Variants in MYO5B observed in about 807,000 individuals in gnomAD.
MYO5B encodes the protein myosin VB.
In MYO5B, 143 loss-of-function variants were observed where a neutral mutation model predicts 229.3. The ratio of observed to expected loss-of-function variants is 0.62; its 90% CI spans 0.54 to 0.72. MYO5B has a LOEUF of 0.72. Among genes scored for constraint, MYO5B ranks in the 30% least tolerant of loss-of-function variants. The pLI, the probability that MYO5B is intolerant of heterozygous loss-of-function variation, is 0.00. For missense variants in MYO5B, 2,321 were observed against 2,331.0 expected (o/e 1.00, Z 0.09); for synonymous variants, 918 against 885.2 (o/e 1.04, Z -0.66).
intron 4 of MYO5B, among the ~76,000 whole-genome samples, chr18:50,004,836 A>T (rs931318210): frequency 2.0e-5 from 3 of 152,258 alleles, no homozygotes; most frequent in African/African-American, 7.2e-5. Context: ...TGCAGCGTGC[A>T]GCAGCTCTCC....
chr18:49,904,721 A>C lies in MYO5B; in HGVS notation c.2522T>G (p.Val841Gly), dbSNP rs754311097. The C allele has an allele frequency of 6.8e-6, 11 of 1,614,066 alleles. 2 individuals carry two copies. The highest frequency in any genetic ancestry group is 1.6e-4 in the Middle Eastern group (1 of 6,062). ...AYQRVRRAAV[V>G]IQAFTRAMFV... ...CATGGCCCGGGTGAAGGCCTGGATAACAACGGCAGCTCTGCGGACCCTCTG... is the reference window on the plus strand; with the variant it reads ...CATGGCCCGGGTGAAGGCCTGGATACCAACGGCAGCTCTGCGGACCCTCTG... Residue 841 changes from valine to glycine, a missense_variant, in exon 20 of 40, where the codon GTT (valine) becomes GGT (glycine). By Grantham distance (109) the Val-to-Gly change is moderately radical. This residue lies in a region of MYO5B where 2,113 missense variants were observed against 2,044.7 expected (regional missense o/e 1.03). Coordinates refer to ENST00000285039, the MANE Select transcript of MYO5B (RefSeq NM_001080467.3).
intron 1 of MYO5B, among the ~76,000 whole-genome samples, chr18:50,091,608 G>C (rs1043202423): frequency 6.6e-6 from 1 of 152,126 alleles, no homozygotes; most frequent in Non-Finnish European, 1.5e-5. Flanking sequence ...TCTGGCAACT[G>C]TCTGCCTTCT....
intron 22 of MYO5B, among the ~76,000 whole-genome samples, chr18:49,883,694 AGCTG>A (rs2024613248): frequency 6.6e-6 from 1 of 152,200 alleles, no homozygotes; most frequent in Non-Finnish European, 1.5e-5. Context: ...AGATGAACAA[AGCTG>A]GAATAATCAC....
At chr18:50,179,837 G>A (rs1599082161) in intron 1 of MYO5B, among the ~76,000 whole-genome samples, 1 of 152,216 alleles carries the variant, frequency 6.6e-6, no homozygotes, top group Admixed American at 6.5e-5. Flanking sequence ...TCCTTAGAAT[G>A]AAGCCTATGC....
intron 8 of MYO5B, among the ~76,000 whole-genome samples, chr18:49,984,059 G>C (rs1270792180): frequency 6.6e-6 from 1 of 152,176 alleles, no homozygotes; most frequent in African/African-American, 2.4e-5. Flanking sequence ...TCTGGATGCA[G>C]GTCCCAGGAA....
rs796439391 is a variant in MYO5B at position 49,822,875 on chromosome 18, A to G, written c.*3596T>C. 1 of 142,824 alleles carries G rather than the reference A, an allele frequency of 7.0e-6. No individual in the cohort carries two copies. Among genetic ancestry groups the G allele is most frequent in the Non-Finnish European group, 1.6e-5 (1 of 64,320 alleles). 8.8% of individuals were successfully genotyped at this position (142,824 alleles called of 1,614,324 possible). A position where few individuals can be genotyped will look rare whatever the true frequency, so the allele number is the denominator to read the frequency against. On this transcript the variant is annotated 3_prime_UTR_variant, in exon 40 of 40. Transcript: ENST00000285039. Reference sequence around the variant, plus strand: ...ACAGCTAAATATTACAGTGACTATTACAAGCATTTTTCTATAAACAAAGGT... The same window carrying G: ...ACAGCTAAATATTACAGTGACTATTGCAAGCATTTTTCTATAAACAAAGGT...
chr18:49,882,742 T>G (rs552149847), intron 22 of MYO5B, among the ~76,000 whole-genome samples: 1 of 151,764 alleles, frequency 6.6e-6, no homozygotes, highest in Non-Finnish European at 1.5e-5. Context: ...GATCAATATA[T>G]GTAGATGGTT....
chr18:50,063,514 A>C (rs1448774694), intron 1 of MYO5B, among the ~76,000 whole-genome samples: 2 of 152,204 alleles, frequency 1.3e-5, no homozygotes, highest in Admixed American at 6.5e-5. Flanking sequence ...AGGAGAAAGA[A>C]CTATAACATA....
At position 50,040,154 on chromosome 18, in the gene MYO5B, T is replaced by C. The variant is rs1250699836; in HGVS notation, c.299A>G (p.Tyr100Cys). 4 of 1,613,956 alleles carry C rather than the reference T, an allele frequency of 2.5e-6. No individual in the cohort carries two copies. The highest frequency in any genetic ancestry group is 3.4e-6 in the Non-Finnish European group (4 of 1,180,016). ...KVRFLESNHI[Y>C]TYCGIVLVAI... Reference sequence around the variant, plus strand: ...TGCCCCCCACTTACCACAGTAAGTGTAGATATGGTTGGACTCCAGGAAACG... The same window carrying C: ...TGCCCCCCACTTACCACAGTAAGTGCAGATATGGTTGGACTCCAGGAAACG... Residue 100 changes from tyrosine to cysteine, a missense_variant, in exon 3 of 40, where the codon TAC (tyrosine) becomes TGC (cysteine). By Grantham distance (194) the Tyr-to-Cys change is radical. This residue lies in a region of MYO5B where 2,113 missense variants were observed against 2,044.7 expected (regional missense o/e 1.03). Coordinates refer to ENST00000285039, the MANE Select transcript of MYO5B (RefSeq NM_001080467.3).
At chr18:49,945,088 C>T (rs557014267) in intron 14 of MYO5B, among the ~76,000 whole-genome samples, 19 of 152,274 alleles carry the variant, frequency 1.2e-4, no homozygotes, top group South Asian at 2.1e-4. Context: ...TCTCCCTGCC[C>T]GGCGCCCTTC....
intron 32 of MYO5B, 41 bp downstream of exon 32, chr18:49,849,526 T>C (rs2024172648): frequency 9.2e-6 from 13 of 1,416,244 alleles, no homozygotes; most frequent in Middle Eastern, 2.4e-4. Context: ...TGGCCAAGTA[T>C]ACCTGTGATT....
At chr18:50,139,776 G>A (rs1044269226) in intron 1 of MYO5B, among the ~76,000 whole-genome samples, 12 of 152,096 alleles carry the variant, frequency 7.9e-5, no homozygotes, top group East Asian at 1.9e-4. Flanking sequence ...CAGCAGGTCC[G>A]GCAGGCAGAA....
chr18:50,056,152 A>C (rs2030544400), intron 1 of MYO5B, among the ~76,000 whole-genome samples: 1 of 152,214 alleles, frequency 6.6e-6, no homozygotes, highest in Non-Finnish European at 1.5e-5. Flanking sequence ...TTGCAGACAA[A>C]GTCACTGAAT....
intron 1 of MYO5B, among the ~76,000 whole-genome samples, chr18:50,117,443 C>T (rs2031982979): frequency 6.6e-6 from 1 of 152,158 alleles, no homozygotes; most frequent in African/African-American, 2.4e-5. Context: ...GATCTCTAAG[C>T]ACAGCAGAAG....
chr18:50,062,484 C>T (rs574889927), intron 1 of MYO5B, among the ~76,000 whole-genome samples: 2 of 152,284 alleles, frequency 1.3e-5, no homozygotes, highest in African/African-American at 2.4e-5. Context: ...CAGCAGTTTC[C>T]CAAGTGGCTT....
chr18:49,900,910 C>T (rs937093909), intron 21 of MYO5B, among the ~76,000 whole-genome samples: 3 of 152,154 alleles, frequency 2.0e-5, no homozygotes, highest in Admixed American at 1.3e-4. Flanking sequence ...TTAAAAAACC[C>T]GCAATGCCCC....
intron 1 of MYO5B, among the ~76,000 whole-genome samples, chr18:50,194,456 C>A (rs976513190): frequency 2.6e-5 from 4 of 152,150 alleles, no homozygotes; most frequent in African/African-American, 9.7e-5. Context: ...TCGGTTGGAG[C>A]CGAGCCCAGG....
chr18:50,132,169 A>C (rs2032264161), intron 1 of MYO5B, among the ~76,000 whole-genome samples: 1 of 152,154 alleles, frequency 6.6e-6, no homozygotes, highest in South Asian at 2.1e-4. Flanking sequence ...TTATCCCCCA[A>C]ACCCTCACTT....
In MYO5B at chr18:50,092,527, G is replaced by GT. The variant is rs199692806; in HGVS notation, c.28-37150dup. Among the ~76,000 whole-genome samples the GT allele has an allele frequency of 9.2e-4, 139 of 151,104 alleles. 1 individual carries two copies. The highest frequency in any genetic ancestry group is 8.4e-3 in the South Asian group (40 of 4,740). On this transcript the variant is annotated intron_variant, in intron 1 of 39. Transcript: ENST00000285039. ...GTTAACAATCAGTTTTTTGTTTTTT[G>GT]TTTTTTTTTAAACACAAGAGCACCC...
Sources: gnomAD v4.1 joint callset for allele counts (sites outside exome capture counted in the v4.1 genomes callset) on GRCh38, gnomAD v4.1.1 for gene constraint, gnomAD v4.1.1 regional missense constraint, MANE v1.5 for transcripts, NCBI Gene and HGNC (gene_info 2026-07-23, HGNC 2026-07-21) for gene names.